The following FLT1 variants were observed in gnomAD, a reference collection of about 807,000 sequenced individuals.
The protein encoded by FLT1 is vascular endothelial growth factor receptor 1.
FLT1 carries 49 observed loss-of-function variants against 156.3 expected under a neutral mutation model. That is an observed-to-expected ratio of 0.31 (90% CI 0.25 to 0.40). The LOEUF (loss-of-function observed/expected upper bound fraction) is 0.40. Among genes scored for constraint, FLT1 ranks in the 10% least tolerant of loss-of-function variants. The probability of loss-of-function intolerance (pLI) is 1.00; values close to 1 mark genes in which losing one functional copy is unlikely to be tolerated. For synonymous variants in FLT1, 594 were observed against 583.8 expected (o/e 1.02, Z -0.25); for missense variants, 1,322 against 1,637.2 (o/e 0.81, Z 3.32).
At chr13:28,368,538 G>T (rs991547441) in intron 14 of FLT1, 15 of 1,543,006 alleles carry the variant, frequency 9.7e-6, no homozygotes, top group Non-Finnish European at 1.2e-5. Flanking sequence ...ATAAATGGTA[G>T]CTATGATGAT....
intron 14 of FLT1, among the ~76,000 whole-genome samples, chr13:28,379,912 T>G (rs1286675160): frequency 6.6e-6 from 1 of 152,200 alleles, no homozygotes; most frequent in Non-Finnish European, 1.5e-5. Context: ...GTACAAAGCT[T>G]GAGCCCTTGT....
In FLT1 at chr13:28,303,295, A is replaced by T. The variant is rs2138801855; in HGVS notation, c.3889T>A (p.Cys1297Ser). Residue 1297 changes from cysteine (C) to serine (S), a missense_variant, in exon 30 of 30, where the codon TGT becomes AGT. Physicochemically the swap from Cys to Ser is moderately radical, Grantham distance 112. This residue lies in a region of FLT1 where 329 missense variants were observed against 366.2 expected (regional missense o/e 0.90). Coordinates refer to ENST00000282397, the MANE Select transcript of FLT1 (RefSeq NM_002019.4). The part of the protein sequence containing the change: ...VSRPSFCHSS[C>S]GHVSEGKRRF... The stretch of plus-strand genomic sequence containing the variant: ...CGCTTGCCTTCGCTGACGTGCCCAC[A>T]GCTGGAATGGCAGAAACTGGGCCTG... The T allele has an allele frequency of 6.2e-7, 1 of 1,614,152 alleles. No individual in the cohort carries two copies. Among genetic ancestry groups the T allele is most frequent in the Non-Finnish European group, 8.5e-7 (1 of 1,180,036 alleles).
intron 20 of FLT1, among the ~76,000 whole-genome samples, chr13:28,326,967 G>C (rs572399800): frequency 6.6e-6 from 1 of 152,352 alleles, no homozygotes; most frequent in South Asian, 2.1e-4. Flanking sequence ...GTAGGGGAAA[G>C]GGCAGTGGAA....
At chr13:28,398,101 T>C (rs1211261866) in intron 11 of FLT1, among the ~76,000 whole-genome samples, 1 of 152,156 alleles carries the variant, frequency 6.6e-6, no homozygotes, top group Non-Finnish European at 1.5e-5. Flanking sequence ...AAGCTTGCAT[T>C]AAAAAGTAGT....
At chr13:28,415,480 TTAA>T (rs369880174) in intron 10 of FLT1, among the ~76,000 whole-genome samples, 118 of 151,476 alleles carry the variant, frequency 7.8e-4, no homozygotes, top group African/African-American at 2.6e-3. Flanking sequence ...AAACTCCATC[TTAA>T]TAATAATAAT....
At chr13:28,320,417 G>A (rs1871400397) in intron 23 of FLT1, among the ~76,000 whole-genome samples, 2 of 152,142 alleles carry the variant, frequency 1.3e-5, no homozygotes, top group Admixed American at 6.5e-5. Flanking sequence ...GACATGCTGT[G>A]TCAGCACCTT....
chr13:28,413,062 C>T (rs897584874), intron 10 of FLT1, among the ~76,000 whole-genome samples: 6 of 151,916 alleles, frequency 3.9e-5, no homozygotes, highest in Admixed American at 6.6e-5. Flanking sequence ...GACCTTGTGA[C>T]GCCTTGGAGC....
At chr13:28,325,765 A>G (rs1871652168) in intron 20 of FLT1, among the ~76,000 whole-genome samples, 1 of 146,506 alleles carries the variant, frequency 6.8e-6, no homozygotes. Flanking sequence ...CAGTGAGCTG[A>G]GATCACACCA....
At chr13:28,361,006 C>T (rs1444026142) in intron 14 of FLT1, among the ~76,000 whole-genome samples, 4 of 152,068 alleles carry the variant, frequency 2.6e-5, no homozygotes, top group Admixed American at 1.3e-4. Flanking sequence ...AGGCCGGGCA[C>T]GGTGGCTCAT....
intron 20 of FLT1, among the ~76,000 whole-genome samples, chr13:28,324,725 A>G (rs1197798668): frequency 6.6e-6 from 1 of 152,174 alleles, no homozygotes; most frequent in Admixed American, 6.5e-5. Flanking sequence ...GGGGAGAAAA[A>G]TGCTCCACAG....
chr13:28,461,709 C>CT (rs201714487), intron 3 of FLT1, among the ~76,000 whole-genome samples: 14 of 146,042 alleles, frequency 9.6e-5, no homozygotes, highest in Admixed American at 7.3e-4. Context: ...CAGGTAGAGC[C>CT]TTTTTTTCCC....
chr13:28,457,187 C>T (rs1343463741), intron 3 of FLT1, among the ~76,000 whole-genome samples: 1 of 152,064 alleles, frequency 6.6e-6, no homozygotes, highest in Non-Finnish European at 1.5e-5. Context: ...TACACACACA[C>T]ACACACATAG....
At chr13:28,438,060 A>G (rs1878129981) in intron 4 of FLT1, among the ~76,000 whole-genome samples, 161 bp downstream of exon 4, 1 of 152,220 alleles carries the variant, frequency 6.6e-6, no homozygotes, top group African/African-American at 2.4e-5. Context: ...CATGGACATA[A>G]CTTCTAGCAC....
At chr13:28,457,235 A>C (rs918680260) in intron 3 of FLT1, among the ~76,000 whole-genome samples, 4 of 152,184 alleles carry the variant, frequency 2.6e-5, no homozygotes, top group African/African-American at 4.8e-5. Flanking sequence ...TGAGAGCACT[A>C]CTTCACAGGG....
chr13:28,417,650 T>C (rs9551470), intron 10 of FLT1, among the ~76,000 whole-genome samples: 64,150 of 149,244 alleles, frequency 0.43, 15,534 homozygotes, highest in Middle Eastern at 0.62. Flanking sequence ...AAAAATTAAA[T>C]CTTTAACATT....
At chr13:28,422,362 A>G (rs1346111176) in intron 10 of FLT1, among the ~76,000 whole-genome samples, 1 of 152,168 alleles carries the variant, frequency 6.6e-6, no homozygotes, top group African/African-American at 2.4e-5. Context: ...AACTCTGTCT[A>G]TTATAATCAA....
intron 13 of FLT1, chr13:28,388,432 C>T (rs774379920): frequency 2.0e-5 from 21 of 1,051,396 alleles, no homozygotes; most frequent in Non-Finnish European, 2.2e-5. Context: ...GTTTCTCAGC[C>T]ATGGCTATTT....
intron 11 of FLT1, among the ~76,000 whole-genome samples, chr13:28,401,085 G>A (rs564687670): frequency 6.6e-6 from 1 of 152,292 alleles, no homozygotes; most frequent in East Asian, 1.9e-4. Flanking sequence ...AATTAGCTGG[G>A]CATGGTGGCA....
intron 6 of FLT1, among the ~76,000 whole-genome samples, chr13:28,432,012 A>G (rs1228717428): frequency 6.6e-6 from 1 of 152,206 alleles, no homozygotes; most frequent in Non-Finnish European, 1.5e-5. Flanking sequence ...GGTTTGTCTC[A>G]GAGAAGATCA....
Sources: allele counts gnomAD v4.1 joint callset (sites outside exome capture counted in the v4.1 genomes callset), GRCh38; gene constraint gnomAD v4.1.1; regional missense constraint gnomAD v4.1.1; transcripts MANE v1.5; gene names NCBI Gene and HGNC (gene_info 2026-07-23, HGNC 2026-07-21).